PRTFDC1: variants seen among roughly 807,000 people sequenced by gnomAD.
The protein encoded by PRTFDC1 is phosphoribosyl transferase domain containing 1.
PRTFDC1 carries 38 observed loss-of-function variants against 34.6 expected under a neutral mutation model. That is an observed-to-expected ratio of 1.10 (90% CI 0.85 to 1.44). The LOEUF is 1.44. Ranked by LOEUF, PRTFDC1 falls within the 40% of genes most tolerant of loss-of-function variation. The probability of loss-of-function intolerance (pLI) is 0.00; values close to 1 mark genes in which losing one functional copy is unlikely to be tolerated. For missense variants in PRTFDC1, 270 were observed against 283.0 expected (o/e 0.95, Z 0.33); for synonymous variants, 93 against 98.1 (o/e 0.95, Z 0.31).
intron 3 of PRTFDC1, among the ~76,000 whole-genome samples, chr10:24,879,147 A>C (rs1248829311): frequency 6.6e-6 from 1 of 152,184 alleles, no homozygotes. Context: ...TCAGATAATA[A>C]GGACAGGTGA....
intron 3 of PRTFDC1, among the ~76,000 whole-genome samples, chr10:24,913,132 C>G (rs1470018440): frequency 6.6e-6 from 1 of 152,164 alleles, no homozygotes; most frequent in Non-Finnish European, 1.5e-5. Flanking sequence ...GAAATGGCAG[C>G]CACTTTATGG....
At chr10:24,908,952 T>A (rs972039250) in intron 3 of PRTFDC1, 1 of 376,530 alleles carries the variant, frequency 2.7e-6, no homozygotes, top group African/African-American at 2.0e-5. Context: ...AAACAAGGCA[T>A]CCAACCTTTC....
At chr10:24,920,309 A>G (rs760297322) in intron 3 of PRTFDC1, among the ~76,000 whole-genome samples, 13 of 148,212 alleles carry the variant, frequency 8.8e-5, no homozygotes, top group South Asian at 2.1e-4. Context: ...GTATATATAT[A>G]TGTGTGTGTA....
chr10:24,934,443 C>T (rs1422929802), intron 3 of PRTFDC1, among the ~76,000 whole-genome samples: 1 of 152,122 alleles, frequency 6.6e-6, no homozygotes, highest in African/African-American at 2.4e-5. Flanking sequence ...GCCTCGTGAT[C>T]CCCTCCTCCC....
At chr10:24,937,559 T>C (rs1416897433) in intron 2 of PRTFDC1, among the ~76,000 whole-genome samples, 192 bp from the exon 3 acceptor site, 9 of 151,158 alleles carry the variant, frequency 6.0e-5, no homozygotes, top group African/African-American at 1.2e-4. Context: ...ATACTGCTTT[T>C]TTTTTTTTTT....
chr10:24,853,395 T>TGA (rs1847523628), intron 7 of PRTFDC1, among the ~76,000 whole-genome samples: 1 of 151,972 alleles, frequency 6.6e-6, no homozygotes, highest in Non-Finnish European at 1.5e-5. Flanking sequence ...GTGGATCACC[T>TGA]GAGGTCAGGA....
At chr10:24,877,844 C>T (rs988717763) in intron 3 of PRTFDC1, among the ~76,000 whole-genome samples, 1 of 152,124 alleles carries the variant, frequency 6.6e-6, no homozygotes, top group African/African-American at 2.4e-5. Context: ...TGGTCTTGAA[C>T]TCCTGGCCTC....
intron 3 of PRTFDC1, among the ~76,000 whole-genome samples, chr10:24,872,750 GTGCACACGTGTGTGTGTATATATATA>G (rs1847895066): frequency 7.0e-6 from 1 of 143,874 alleles, no homozygotes; most frequent in South Asian, 2.2e-4. Flanking sequence ...ACAAATATAT[GTGCACACGTGTGTGTGTATATATATA>G]TGTGTGTGTG....
In PRTFDC1 at chr10:24,855,433, A is replaced by T. The variant is rs1052128248; in HGVS notation, c.507-69T>A. 3 of 1,563,150 alleles carry T rather than the reference A, an allele frequency of 1.9e-6. No homozygotes were observed. In the African/African-American group the frequency reaches 4.1e-5, roughly 21 times the overall value. ...CTATGAATTGTAAATAGAATCAAGC[A>T]TCATTAAAAGATGTACTTGAAATAC... On this transcript the variant is annotated intron_variant, in intron 6 of 8. Coordinates refer to ENST00000320152, the MANE Select transcript of PRTFDC1 (RefSeq NM_020200.7).
intron 3 of PRTFDC1, among the ~76,000 whole-genome samples, chr10:24,935,921 A>G (rs1030913705): frequency 6.6e-6 from 1 of 152,188 alleles, no homozygotes; most frequent in Non-Finnish European, 1.5e-5. Flanking sequence ...TGAAAACCTC[A>G]GATGATATCA....
chr10:24,938,111 AG>A (rs1849084418), intron 2 of PRTFDC1, among the ~76,000 whole-genome samples: 1 of 151,712 alleles, frequency 6.6e-6, no homozygotes. Flanking sequence ...CTGTAATCCC[AG>A]CTACTCGGGA....
chr10:24,937,506 G>A (rs976594321), intron 2 of PRTFDC1, 139 bp from the exon 3 acceptor site: 6 of 666,972 alleles, frequency 9.0e-6, no homozygotes, highest in East Asian at 3.0e-5. Flanking sequence ...GAAACCCACC[G>A]ATAGAAAAGC....
chr10:24,897,896 G>A (rs1227200034), intron 3 of PRTFDC1, among the ~76,000 whole-genome samples: 1 of 152,098 alleles, frequency 6.6e-6, no homozygotes, highest in Non-Finnish European at 1.5e-5. Flanking sequence ...CAGTCAGAGA[G>A]GTGCACAATA....
chr10:24,896,773 G>A lies in PRTFDC1; in HGVS notation c.340-24710C>T, dbSNP rs144473863. Among the ~76,000 whole-genome samples, 158 of 152,240 alleles carry A rather than the reference G, an allele frequency of 1.0e-3. 2 individuals carry two copies. In the Middle Eastern group the frequency reaches 0.014, roughly 13 times the overall value. On this transcript the variant is annotated intron_variant, in intron 3 of 8. Transcript: ENST00000320152. Reference sequence around the variant, plus strand: ...CAAACAAAAGTGCATACCACTTAGCGTGTTCTTCTAAAAAGTTGAAAAGGC... The same window carrying A: ...CAAACAAAAGTGCATACCACTTAGCATGTTCTTCTAAAAAGTTGAAAAGGC...
chr10:24,947,294 C>T (rs274296), intron 1 of PRTFDC1, among the ~76,000 whole-genome samples: 31,971 of 152,144 alleles, frequency 0.21, 3,491 homozygotes, highest in East Asian at 0.44. Flanking sequence ...CTGGTTTATG[C>T]TTTGCTAACT....
intron 7 of PRTFDC1, 150 bp from the exon 8 acceptor site, chr10:24,851,614 G>A (rs1210760053): frequency 7.6e-7 from 1 of 1,308,246 alleles, no homozygotes; most frequent in Non-Finnish European, 1.0e-6. Context: ...CACACGATGA[G>A]CCCAAGAGGG....
chr10:24,929,312 A>G (rs1316073996), intron 3 of PRTFDC1, among the ~76,000 whole-genome samples: 1 of 152,194 alleles, frequency 6.6e-6, no homozygotes, highest in African/African-American at 2.4e-5. Context: ...TCAAGGGAGC[A>G]GGTTTGTGGC....
chr10:24,908,300 A>G (rs1848567732), intron 3 of PRTFDC1: 1 of 647,972 alleles, frequency 1.5e-6, no homozygotes, highest in Non-Finnish European at 2.5e-6. Context: ...AGACTACCAC[A>G]TTGTATTTCA....
intron 4 of PRTFDC1, among the ~76,000 whole-genome samples, chr10:24,859,886 A>G (rs1847647590): frequency 6.6e-6 from 1 of 152,216 alleles, no homozygotes; most frequent in Non-Finnish European, 1.5e-5. Context: ...AAGCAATAAT[A>G]ACTGATTAAA....
Sources: gnomAD v4.1 joint callset for allele counts (sites outside exome capture counted in the v4.1 genomes callset) on GRCh38, gnomAD v4.1.1 for gene constraint, MANE v1.5 for transcripts, NCBI Gene and HGNC (gene_info 2026-07-23, HGNC 2026-07-21) for gene names.